Variants in NSD1 observed in about 807,000 individuals in gnomAD.
The protein encoded by NSD1 is nuclear receptor binding SET domain protein 1.
Under a neutral mutation model 242.7 loss-of-function variants are expected in NSD1, and 26 were observed. That is an observed-to-expected ratio of 0.11 (90% CI 0.08 to 0.15). NSD1 has a LOEUF of 0.15. Among genes scored for constraint, NSD1 ranks in the 10% least tolerant of loss-of-function variants. The probability of loss-of-function intolerance (pLI) is 1.00; values close to 1 mark genes in which losing one functional copy is unlikely to be tolerated. For missense variants in NSD1, 2,495 were observed against 3,272.8 expected (o/e 0.76, Z 5.80); for synonymous variants, 1,106 against 1,178.1 (o/e 0.94, Z 1.25).
chr5:177,235,653 A>G (rs1366982409), intron 5 of NSD1, among the ~76,000 whole-genome samples, 168 bp from the exon 6 acceptor site: 2 of 152,188 alleles, frequency 1.3e-5, no homozygotes, highest in Non-Finnish European at 2.9e-5. Context: ...CTCCTTTTGC[A>G]TATGAGAAAA....
intron 12 of NSD1, 43 bp from the exon 13 acceptor site, chr5:177,256,908 G>T: frequency 1.9e-6 from 3 of 1,541,126 alleles, no homozygotes; most frequent in Non-Finnish European, 2.7e-6. Context: ...GCATTTGGTA[G>T]ATTCTTGAAT....
At chr5:177,156,121 T>C (rs1297762242) in intron 2 of NSD1, among the ~76,000 whole-genome samples, 2 of 151,776 alleles carry the variant, frequency 1.3e-5, no homozygotes, top group Non-Finnish European at 2.9e-5. Context: ...TTCTAGGGCA[T>C]TTAGGGACCA....
intron 2 of NSD1, among the ~76,000 whole-genome samples, chr5:177,156,282 G>C (rs1020359291): frequency 4.8e-5 from 7 of 145,286 alleles, no homozygotes; most frequent in Non-Finnish European, 4.5e-5. Context: ...CTGGGTTGAA[G>C]TGATTCTCTT....
At chr5:177,162,074 G>C (rs1047922571) in intron 2 of NSD1, among the ~76,000 whole-genome samples, 5 of 152,020 alleles carry the variant, frequency 3.3e-5, no homozygotes, top group Non-Finnish European at 5.9e-5. Flanking sequence ...GAGGTGGGCA[G>C]ATCACCTGAG....
chr5:177,256,697 GT>G (rs148232213), intron 12 of NSD1, among the ~76,000 whole-genome samples: 1 of 152,112 alleles, frequency 6.6e-6, no homozygotes, highest in Non-Finnish European at 1.5e-5. Context: ...TTTAATTTCA[GT>G]TTTTTCTTTT....
chr5:177,154,706 T>G (rs1469933019), intron 2 of NSD1, among the ~76,000 whole-genome samples: 1 of 152,102 alleles, frequency 6.6e-6, no homozygotes, highest in Admixed American at 6.6e-5. Context: ...ATTATTATTA[T>G]TATTTTTGAG....
rs1760091175 is a variant in NSD1 at position 177,294,262 on chromosome 5, C to A, written c.6894C>A (p.Asp2298Glu). ...CCCAGCCTTTAGATAAGGTCAGAGACCTCGCTGGGTCAGGGACCAAATCCC... is the reference window on the plus strand; with the variant it reads ...CCCAGCCTTTAGATAAGGTCAGAGAACTCGCTGGGTCAGGGACCAAATCCC... ...SRPQPLDKVR[D>E]LAGSGTKSQS... Residue 2298 changes from aspartate (D) to glutamate (E), a missense_variant, in exon 23 of 23, where the codon GAC becomes GAA. By Grantham distance (45) the Asp-to-Glu change is conservative. Around this residue, in one of 19 missense-constraint regions of NSD1, gnomAD observed 475 missense variants for 563.7 expected, o/e 0.84. Coordinates refer to ENST00000439151, the MANE Select transcript of NSD1 (RefSeq NM_022455.5). 1.9e-6 allele frequency: 3 copies of A among 1,613,400 alleles called. No homozygotes were observed. The highest frequency in any genetic ancestry group is 2.5e-6 in the Non-Finnish European group (3 of 1,179,526).
chr5:177,225,414 A>AT (rs1764560706), intron 5 of NSD1, among the ~76,000 whole-genome samples: 1 of 152,140 alleles, frequency 6.6e-6, no homozygotes, highest in Non-Finnish European at 1.5e-5. Flanking sequence ...AAGTGCTGGG[A>AT]TTACAGGTGT....
chr5:177,284,123 C>G (rs1581536169), intron 20 of NSD1, among the ~76,000 whole-genome samples, 195 bp downstream of exon 20: 2 of 152,220 alleles, frequency 1.3e-5, no homozygotes, highest in African/African-American at 4.8e-5. Flanking sequence ...TGCTAAAACT[C>G]TATACCTACT....
At chr5:177,225,298 A>G (rs1373879649) in intron 5 of NSD1, among the ~76,000 whole-genome samples, 1 of 151,974 alleles carries the variant, frequency 6.6e-6, no homozygotes, top group African/African-American at 2.4e-5. Flanking sequence ...ACGTGCCACC[A>G]CACCCAGCTA....
At chr5:177,206,852 G>C (rs1762904460) in intron 4 of NSD1, among the ~76,000 whole-genome samples, 1 of 134,358 alleles carries the variant, frequency 7.4e-6, no homozygotes, top group Non-Finnish European at 1.5e-5. Context: ...ATGTGTTTCT[G>C]TGCTTAAAAA....
Position 177,135,728 on chromosome 5 carries a change from A to G in NSD1, c.625A>G (p.Ser209Gly). 1.2e-6 allele frequency: 2 copies of G among 1,614,260 alleles called. No individual in the cohort carries two copies. Among genetic ancestry groups the G allele is most frequent in the Non-Finnish European group, 1.7e-6 (2 of 1,180,054 alleles). The part of the protein sequence containing the change: ...SENGVKVAMG[S>G]EQDSTPESRH... ...GAATGGTGTAAAAGTGGCCATGGGA[A>G]GTGAACAAGACAGCACACCAGAGAG... Residue 209 changes from serine to glycine, a missense_variant, in exon 2 of 23, where the codon AGT becomes GGT. This residue lies in a region of NSD1 where 376 missense variants were observed against 367.4 expected (regional missense o/e 1.02). Transcript: ENST00000439151.
intron 14 of NSD1, chr5:177,265,953 T>C: frequency 8.1e-7 from 1 of 1,227,626 alleles, no homozygotes. Flanking sequence ...CAGGCGTTGG[T>C]AACCAGCTGT....
In NSD1 at chr5:177,269,487, G is replaced by T. The variant is rs1757786724; in HGVS notation, c.5304-115G>T. On this transcript the variant is annotated intron_variant, in intron 15 of 22. Coordinates refer to ENST00000439151, the MANE Select transcript of NSD1 (RefSeq NM_022455.5). The surrounding 1 kb of genome is among the most constrained non-coding windows in gnomAD (Gnocchi z 5.1). The stretch of plus-strand genomic sequence containing the variant: ...TTAGGTTGTAAGAATGCCGTAAGAT[G>T]GACTTTAATGTGGACAGACAGACAT... 3 of 898,190 alleles carry T rather than the reference G, an allele frequency of 3.3e-6. No individual in the cohort carries two copies. The African/African-American group carries it at 4.9e-5, about 15-fold the overall frequency. 55.6% of individuals were successfully genotyped at this position (898,190 alleles called of 1,614,324 possible).
At chr5:177,279,075 C>T (rs1167000562) in intron 17 of NSD1, among the ~76,000 whole-genome samples, 2 of 152,180 alleles carry the variant, frequency 1.3e-5, no homozygotes, top group Non-Finnish European at 2.9e-5. Context: ...AAATTATAAG[C>T]TGGGTGTGGT....
intron 2 of NSD1, among the ~76,000 whole-genome samples, chr5:177,158,772 A>G (rs1758414394): frequency 7.0e-6 from 1 of 142,674 alleles, no homozygotes; most frequent in Non-Finnish European, 1.5e-5. Flanking sequence ...CAGTGAGCCA[A>G]GATTGCACCA....
At chr5:177,202,936 A>G (rs974246207) in intron 3 of NSD1, among the ~76,000 whole-genome samples, 1 of 152,184 alleles carries the variant, frequency 6.6e-6, no homozygotes, top group African/African-American at 2.4e-5. Context: ...AAAAACTACC[A>G]TGTGTACACT....
chr5:177,168,772 AC>A (rs1336313909), intron 2 of NSD1, among the ~76,000 whole-genome samples: 1 of 152,010 alleles, frequency 6.6e-6, no homozygotes, highest in Non-Finnish European at 1.5e-5. Context: ...GTGTGTTTAT[AC>A]CTGTAGCGTA....
rs70991598 is a variant in NSD1, at chr5:177,190,966, C to CTTT, written c.928-906_928-904dup. On this transcript the variant is annotated intron_variant, in intron 2 of 22. Coordinates refer to ENST00000439151, the MANE Select transcript of NSD1 (RefSeq NM_022455.5). The stretch of plus-strand genomic sequence containing the variant: ...ACAGGCATGAGCCACTGCACCCAGC[C>CTTT]TTTTTTTTTTTTTTCTTTTTTTTTT... Among the ~76,000 whole-genome samples, 375 of 127,332 alleles carry CTTT rather than the reference C, an allele frequency of 2.9e-3. 2 individuals carry two copies. Among genetic ancestry groups the CTTT allele is most frequent in the African/African-American group, 6.4e-3 (208 of 32,318 alleles). 83.5% of individuals were successfully genotyped at this position (127,332 alleles called of 152,430 possible).
Sources: allele counts gnomAD v4.1 joint callset (sites outside exome capture counted in the v4.1 genomes callset), GRCh38; gene constraint gnomAD v4.1.1; regional missense constraint gnomAD v4.1.1; non-coding constraint Gnocchi (gnomAD v3.1); transcripts MANE v1.5; gene names NCBI Gene and HGNC (gene_info 2026-07-23, HGNC 2026-07-21).